The following AOPEP variants were observed in gnomAD, a reference collection of about 807,000 sequenced individuals.
The protein encoded by AOPEP is aminopeptidase O.
A neutral mutation model predicts 98.1 loss-of-function variants in AOPEP; 77 were observed. That is an observed-to-expected ratio of 0.78 (90% CI 0.65 to 0.95). The LOEUF (loss-of-function observed/expected upper bound fraction) is 0.95, where lower values mean the gene tolerates loss of function less well. Among genes scored for constraint, AOPEP ranks in the 40% least tolerant of loss-of-function variants. AOPEP has a pLI of 0.00. For missense variants in AOPEP, 1,024 were observed against 1,024.7 expected, an observed-to-expected ratio of 1.00 and a Z score of 0.01; for synonymous variants, 346 against 365.3, an observed-to-expected ratio of 0.95 and a Z score of 0.60.
chr9:94,819,971 A>C (rs1588386507), intron 5 of AOPEP, among the ~76,000 whole-genome samples: 2 of 85,726 alleles, frequency 2.3e-5, no homozygotes, highest in Non-Finnish European at 4.7e-5. Flanking sequence ...TTTGAGATGG[A>C]GTCTCGCTTT....
intron 14 of AOPEP, among the ~76,000 whole-genome samples, chr9:95,075,740 AGCT>A (rs1243424309): frequency 1.3e-5 from 2 of 152,186 alleles, no homozygotes; most frequent in Non-Finnish European, 1.5e-5. Context: ...AAAAAAAATT[AGCT>A]GGGTGTGGTG....
At chr9:94,759,533 C>A (rs761702797) in intron 1 of AOPEP, 116 bp from the exon 2 acceptor site, 33 of 444,798 alleles carry the variant, frequency 7.4e-5, no homozygotes, top group Non-Finnish European at 1.3e-4. Context: ...TAGCCATGAG[C>A]ATCTACCGCT....
At chr9:95,005,411 G>A (rs1484369119) in intron 12 of AOPEP, 131 bp from the exon 13 acceptor site, 2 of 985,890 alleles carry the variant, frequency 2.0e-6, no homozygotes, top group Non-Finnish European at 3.1e-6. Context: ...TTCCGCGGGC[G>A]GGCGCGGGTG....
At chr9:94,767,412 A>G (rs909256923) in intron 2 of AOPEP, among the ~76,000 whole-genome samples, 1 of 152,220 alleles carries the variant, frequency 6.6e-6, no homozygotes, top group Non-Finnish European at 1.5e-5. Flanking sequence ...AATAAGTAAC[A>G]AAGCATCTAC....
chr9:94,800,702 C>G, intron 4 of AOPEP, 55 bp from the exon 5 acceptor site: 1 of 1,598,434 alleles, frequency 6.3e-7, no homozygotes, highest in Non-Finnish European at 8.6e-7. Context: ...GATTGCCTCA[C>G]CTCCACAGCA....
At chr9:94,993,118 T>C (rs1245956894) in intron 11 of AOPEP, among the ~76,000 whole-genome samples, 1 of 152,170 alleles carries the variant, frequency 6.6e-6, no homozygotes, top group Non-Finnish European at 1.5e-5. Flanking sequence ...CAATTATTCA[T>C]AGAGATTAAC....
At chr9:94,923,840 A>G (rs538842662) in intron 5 of AOPEP, 146 bp from the exon 6 acceptor site, 316 of 461,658 alleles carry the variant, frequency 6.8e-4, no homozygotes, top group African/African-American at 3.7e-3. Flanking sequence ...TATGTCTGAA[A>G]GCATCTAAGC....
chr9:95,056,343 G>C (rs888032819), intron 13 of AOPEP: 1 of 152,454 alleles, frequency 6.6e-6, no homozygotes, highest in African/African-American at 2.4e-5. Flanking sequence ...TCGGAGGGGT[G>C]CAGGCAATGG....
At chr9:95,141,800 T>C in the AOPEP span, among the ~76,000 whole-genome samples, 1 of 152,184 alleles carries the variant, frequency 6.6e-6, no homozygotes, top group Admixed American at 6.5e-5. Context: ...TGTTTTCTTA[T>C]TAAGCATTGT....
chr9:95,128,930 G>C, the AOPEP span, among the ~76,000 whole-genome samples: 1 of 151,008 alleles, frequency 6.6e-6, no homozygotes, highest in East Asian at 1.9e-4. Context: ...TTTTGAGACA[G>C]GGTCTCATTC....
chr9:95,114,498 ATGGTGCTCACCTGTT>A, the AOPEP span: 3 of 858,560 alleles, frequency 3.5e-6, no homozygotes, highest in South Asian at 4.1e-5. Context: ...TCACTTCACC[ATGGTGCTCACCTGTT>A]TGGTGATGGT....
intron 1 of AOPEP, among the ~76,000 whole-genome samples, chr9:94,759,273 C>CA (rs1837734121): frequency 6.6e-6 from 1 of 152,212 alleles, no homozygotes; most frequent in Non-Finnish European, 1.5e-5. Context: ...AGTGGAAAAA[C>CA]AATCACTTAT....
chr9:95,001,834 G>C (rs1453097190), intron 11 of AOPEP, among the ~76,000 whole-genome samples: 1 of 152,068 alleles, frequency 6.6e-6, no homozygotes, highest in African/African-American at 2.4e-5. Flanking sequence ...CTGGAGTGCA[G>C]TGGTGCCATC....
intron 13 of AOPEP, among the ~76,000 whole-genome samples, chr9:95,040,275 T>C (rs189426944): frequency 6.6e-6 from 1 of 152,366 alleles, no homozygotes; most frequent in East Asian, 1.9e-4. Context: ...CTGTAAAATG[T>C]AGTGCCCAGC....
At chr9:94,841,180 T>A (rs1462887431) in intron 5 of AOPEP, among the ~76,000 whole-genome samples, 1 of 151,254 alleles carries the variant, frequency 6.6e-6, no homozygotes, top group Non-Finnish European at 1.5e-5. Flanking sequence ...TTTTTTTTTT[T>A]TTTTTTTTTG....
intron 16 of AOPEP, 94 bp downstream of exon 16, chr9:95,082,813 C>T (rs2069993591): frequency 7.2e-7 from 1 of 1,397,044 alleles, no homozygotes; most frequent in African/African-American, 1.4e-5. Flanking sequence ...TTAGCCAAGA[C>T]TACCCGCAGC....
At chr9:94,753,672 TA>T (rs1260511492) in intron 1 of AOPEP, among the ~76,000 whole-genome samples, 1 of 152,212 alleles carries the variant, frequency 6.6e-6, no homozygotes, top group Non-Finnish European at 1.5e-5. Flanking sequence ...TTAAAAATGA[TA>T]ATTATATTTT....
chr9:94,876,234 G>A (rs1319334548), intron 5 of AOPEP, among the ~76,000 whole-genome samples: 6 of 152,036 alleles, frequency 3.9e-5, no homozygotes, highest in South Asian at 2.1e-4. Context: ...ATAATAACCC[G>A]GAGACATACC....
chr9:94,843,182 C>T (rs2042473585), intron 5 of AOPEP, among the ~76,000 whole-genome samples: 1 of 152,192 alleles, frequency 6.6e-6, no homozygotes, highest in South Asian at 2.1e-4. Flanking sequence ...CTCTCCCATC[C>T]AGATTCCTCC....
Sources: allele counts gnomAD v4.1 joint callset (sites outside exome capture counted in the v4.1 genomes callset), GRCh38; gene constraint gnomAD v4.1.1; transcripts MANE v1.5; gene names NCBI Gene and HGNC (gene_info 2026-07-23, HGNC 2026-07-21).